The following GABBR2 variants were observed in gnomAD, a reference collection of about 807,000 sequenced individuals.
The protein encoded by GABBR2 is G-protein coupled receptor 51.
In GABBR2, 23 loss-of-function variants were observed where a neutral mutation model predicts 105.6. That is an observed-to-expected ratio of 0.22 (90% CI 0.16 to 0.31). The LOEUF (loss-of-function observed/expected upper bound fraction) is 0.31, where lower values mean the gene tolerates loss of function less well. GABBR2 is among the 10% of genes least tolerant of loss of function. The pLI, the probability that GABBR2 is intolerant of heterozygous loss-of-function variation, is 1.00. For missense variants in GABBR2, 734 were observed against 1,245.5 expected (o/e 0.59, Z 6.18); for synonymous variants, 478 against 499.7 (o/e 0.96, Z 0.58).
Position 98,708,684 on chromosome 9 carries a change from CGGT to C in GABBR2, c.51_53del (p.Pro20del). The C allele has an allele frequency of 9.3e-7, 1 of 1,080,546 alleles. No individual in the cohort carries two copies. Among genetic ancestry groups the C allele is most frequent in the Non-Finnish European group, 1.1e-6 (1 of 892,968 alleles). 66.9% of individuals were successfully genotyped at this position (1,080,546 alleles called of 1,614,324 possible). The stretch of plus-strand genomic sequence containing the variant: ...GTAGCAGTAGCAGGCGCGCGGGCGG[CGGT>C]GGCGGCGGCGGCGGCGGCCCGGGCT... On this transcript the variant is annotated inframe_deletion, in exon 1 of 19. Transcript: ENST00000259455.
chr9:98,379,544 C>G (rs550621130), intron 11 of GABBR2, among the ~76,000 whole-genome samples: 3 of 152,356 alleles, frequency 2.0e-5, no homozygotes, highest in African/African-American at 7.2e-5. Context: ...GCTGGGATTA[C>G]AGGCATGAGC....
chr9:98,678,611 G>A (rs1830503820), intron 1 of GABBR2, among the ~76,000 whole-genome samples: 1 of 152,170 alleles, frequency 6.6e-6, no homozygotes, highest in African/African-American at 2.4e-5. Flanking sequence ...TCTGGAAAAC[G>A]GGATGAAATG....
intron 1 of GABBR2, among the ~76,000 whole-genome samples, chr9:98,616,703 A>C (rs1244216958): frequency 6.6e-6 from 1 of 151,834 alleles, no homozygotes; most frequent in Admixed American, 6.6e-5. Context: ...GCAGTAGGCC[A>C]AGAATGCGCC....
At chr9:98,348,095 C>G (rs561887121) in intron 13 of GABBR2, among the ~76,000 whole-genome samples, 2 of 152,148 alleles carry the variant, frequency 1.3e-5, no homozygotes, top group Non-Finnish European at 2.9e-5. Context: ...TTGGGTGTGT[C>G]TTTATTAGCA....
chr9:98,592,770 G>T (rs1423393503), intron 1 of GABBR2, among the ~76,000 whole-genome samples: 1 of 152,202 alleles, frequency 6.6e-6, no homozygotes, highest in Non-Finnish European at 1.5e-5. Context: ...GGAAAGTGAG[G>T]ATATGTCTTA....
chr9:98,479,345 A>T (rs563524628), intron 5 of GABBR2, among the ~76,000 whole-genome samples: 2 of 152,298 alleles, frequency 1.3e-5, no homozygotes, highest in African/African-American at 4.8e-5. Context: ...CAACAATCTT[A>T]TCAGACAGGT....
intron 1 of GABBR2, among the ~76,000 whole-genome samples, chr9:98,648,116 T>TGTGTGTAG: frequency 1.8e-5 from 1 of 55,948 alleles, no homozygotes; most frequent in African/African-American, 6.9e-5. Context: ...TGTGTGTGTG[T>TGTGTGTAG]ATAGATAGAT....
chr9:98,635,385 G>A (rs1345130567), intron 1 of GABBR2, among the ~76,000 whole-genome samples: 1 of 152,176 alleles, frequency 6.6e-6, no homozygotes, highest in Non-Finnish European at 1.5e-5. Context: ...CATAGGGGTG[G>A]CATGGGGAGG....
intron 1 of GABBR2, among the ~76,000 whole-genome samples, chr9:98,630,284 G>C (rs1015803056): frequency 1.3e-5 from 2 of 152,164 alleles, no homozygotes; most frequent in South Asian, 2.1e-4. Flanking sequence ...TAGTCTTTCT[G>C]GGCCTTAATT....
At chr9:98,490,711 G>A (rs571167460) in intron 4 of GABBR2, among the ~76,000 whole-genome samples, 7 of 152,214 alleles carry the variant, frequency 4.6e-5, no homozygotes, top group African/African-American at 1.4e-4. Flanking sequence ...CTTTGGGGAA[G>A]GTGCATGAAG....
chr9:98,542,957 A>G (rs1379771045), intron 2 of GABBR2, among the ~76,000 whole-genome samples: 1 of 143,992 alleles, frequency 6.9e-6, no homozygotes, highest in Admixed American at 7.2e-5. Context: ...TTTAATGAAG[A>G]TATTTTATAT....
chr9:98,556,801 T>C (rs1203729585), intron 2 of GABBR2, among the ~76,000 whole-genome samples: 2 of 152,100 alleles, frequency 1.3e-5, no homozygotes, highest in African/African-American at 4.8e-5. Flanking sequence ...TCCCAGCACT[T>C]TGGGAGGCTG....
Position 98,447,303 on chromosome 9 carries a change from T to C in GABBR2, c.1236+6678A>G, listed in dbSNP as rs1206604631. On this transcript the variant is annotated intron_variant, in intron 7 of 18. Coordinates refer to ENST00000259455, the MANE Select transcript of GABBR2 (RefSeq NM_005458.8). Reference sequence around the variant, plus strand: ...TGGTCTCGATCTCCTGACCTCGTGATCCACCCGCCTCGGCCTCCCAAAGTG... The same window carrying C: ...TGGTCTCGATCTCCTGACCTCGTGACCCACCCGCCTCGGCCTCCCAAAGTG... Among the ~76,000 whole-genome samples the C allele has an allele frequency of 1.8e-5, 2 of 112,978 alleles. 1 individual carries two copies. The highest frequency in any genetic ancestry group is 4.0e-5 in the Non-Finnish European group (2 of 50,496). 74.1% of individuals were successfully genotyped at this position (112,978 alleles called of 152,430 possible).
chr9:98,423,997 A>C (rs1398210342), intron 7 of GABBR2, among the ~76,000 whole-genome samples: 1 of 152,198 alleles, frequency 6.6e-6, no homozygotes, highest in Non-Finnish European at 1.5e-5. Flanking sequence ...TTTTGGTACC[A>C]GTACCATGCT....
intron 3 of GABBR2, among the ~76,000 whole-genome samples, chr9:98,510,204 C>A (rs1423435119): frequency 6.6e-6 from 1 of 152,040 alleles, no homozygotes; most frequent in Non-Finnish European, 1.5e-5. Flanking sequence ...AAAATCCTTT[C>A]CAGACAAGCA....
chr9:98,392,592 G>C (rs967691356), intron 9 of GABBR2, among the ~76,000 whole-genome samples: 14 of 152,194 alleles, frequency 9.2e-5, no homozygotes, highest in Admixed American at 2.6e-4. Flanking sequence ...AGGTCCAGTG[G>C]AAATATAGGA....
intron 9 of GABBR2, among the ~76,000 whole-genome samples, chr9:98,389,697 C>T (rs956730150): frequency 6.6e-6 from 1 of 152,210 alleles, no homozygotes; most frequent in African/African-American, 2.4e-5. Context: ...ACAAGGAACT[C>T]GGGGGAACCC....
intron 6 of GABBR2, among the ~76,000 whole-genome samples, chr9:98,468,771 G>T (rs890529109): frequency 3.9e-5 from 6 of 152,040 alleles, no homozygotes; most frequent in African/African-American, 1.2e-4. Flanking sequence ...TGGTGTGAAC[G>T]CAGGATCCAC....
chr9:98,457,835 G>A (rs1317777438), intron 6 of GABBR2, among the ~76,000 whole-genome samples: 2 of 152,180 alleles, frequency 1.3e-5, no homozygotes, highest in African/African-American at 4.8e-5. Context: ...ACAATTGTTG[G>A]AGAAAAAGTT....
Sources: gnomAD v4.1 joint callset for allele counts (sites outside exome capture counted in the v4.1 genomes callset) on GRCh38, gnomAD v4.1.1 for gene constraint, MANE v1.5 for transcripts, NCBI Gene and HGNC (gene_info 2026-07-23, HGNC 2026-07-21) for gene names.